The following ZNF547 variants were observed in gnomAD, a reference collection of about 807,000 sequenced individuals.
ZNF547 encodes zinc finger protein 547.
In ZNF547, 4 loss-of-function variants were observed where a neutral mutation model predicts 7.7. That is an observed-to-expected ratio of 0.52 (90% CI 0.26 to 1.20). The LOEUF (loss-of-function observed/expected upper bound fraction) is 1.20. ZNF547 is among the 50% of genes most tolerant of loss of function. The probability of loss-of-function intolerance (pLI) is 0.14; values close to 1 mark genes in which losing one functional copy is unlikely to be tolerated. For synonymous variants in ZNF547, 166 were observed against 166.2 expected, an observed-to-expected ratio of 1.00 and a Z score of 0.01; for missense variants, 449 against 485.8, an observed-to-expected ratio of 0.92 and a Z score of 0.71.
rs768544087 is a variant in ZNF547, at chr19:57,378,233, T to C, written c.*48T>C. 28 of 1,532,792 alleles carry C rather than the reference T, an allele frequency of 1.8e-5. No individual in the cohort carries two copies. Among genetic ancestry groups the C allele is most frequent in the Non-Finnish European group, 2.5e-5 (28 of 1,126,894 alleles). 94.9% of individuals were successfully genotyped at this position (1,532,792 alleles called of 1,614,324 possible). ...ATGGGAAAGCCTTCAGTCACCAACA[T>C]ATTGTGGCTGGACAGCAGGCAGTAC... On this transcript the variant is annotated 3_prime_UTR_variant, in exon 4 of 4. Transcript: ENST00000282282.
chr19:57,371,436 A>G (rs1010230877), intron 2 of ZNF547, among the ~76,000 whole-genome samples: 4 of 152,218 alleles, frequency 2.6e-5, no homozygotes, highest in Non-Finnish European at 5.9e-5. Flanking sequence ...TAGTCCACAG[A>G]TGCTGTTGGG....
intron 1 of ZNF547, among the ~76,000 whole-genome samples, chr19:57,366,693 G>A (rs149164385): frequency 1.3e-5 from 2 of 150,036 alleles, no homozygotes; most frequent in East Asian, 2.0e-4. Flanking sequence ...TTACAGGTGT[G>A]AGCCACCATA....
At chr19:57,371,313 A>T (rs1032594619) in intron 2 of ZNF547, among the ~76,000 whole-genome samples, 1 of 152,216 alleles carries the variant, frequency 6.6e-6, no homozygotes, top group African/African-American at 2.4e-5. Context: ...AATGACACTG[A>T]AAGAAGATAT....
rs371168183 is a variant in ZNF547 at position 57,378,956 on chromosome 19, T to C, written c.*771T>C. ...AAGAATCTTAGAGTGTTTTTCATTA[T>C]TTTTTTTCACTTAGGATAATATCCT... is the stretch of plus-strand genomic sequence containing the variant. On this transcript the variant is annotated 3_prime_UTR_variant, in exon 4 of 4. Transcript: ENST00000282282. 11 of 179,604 alleles carry C rather than the reference T, an allele frequency of 6.1e-5. No individual in the cohort carries two copies. In the South Asian group the frequency reaches 8.5e-4, roughly 14 times the overall value. The allele number at this position is 179,604 out of a possible 1,614,324, so 11.1% of individuals were successfully genotyped here. A position where few individuals can be genotyped will look rare whatever the true frequency, so the allele number is the denominator to read the frequency against.
chr19:57,378,342 C>A lies in ZNF547; in HGVS notation c.*157C>A. 1.3e-6 allele frequency: 1 copy of A among 759,226 alleles called. No individual in the cohort carries two copies. Among genetic ancestry groups the A allele is most frequent in the Non-Finnish European group, 2.2e-6 (1 of 444,980 alleles). 47.0% of individuals were successfully genotyped at this position (759,226 alleles called of 1,614,324 possible). A position where few individuals can be genotyped will look rare whatever the true frequency, so the allele number is the denominator to read the frequency against. ...GTCGCTATGTATCAGAGAATTCACACTGCAGAAATGTGTGTTCAGCAAACT... is the reference window on the plus strand; with the variant it reads ...GTCGCTATGTATCAGAGAATTCACAATGCAGAAATGTGTGTTCAGCAAACT... On this transcript the variant is annotated 3_prime_UTR_variant, in exon 4 of 4. Coordinates refer to ENST00000282282, the MANE Select transcript of ZNF547 (RefSeq NM_173631.4).
At chr19:57,376,046 C>G (rs986695804) in intron 3 of ZNF547, among the ~76,000 whole-genome samples, 1 of 152,082 alleles carries the variant, frequency 6.6e-6, no homozygotes, top group African/African-American at 2.4e-5. Flanking sequence ...GCCTGTAATC[C>G]CAGCTACTCA....
Position 57,378,277 on chromosome 19 carries a change from A to T in ZNF547, c.*92A>T. The T allele has an allele frequency of 5.8e-6, 7 of 1,203,188 alleles. No individual in the cohort carries two copies. The South Asian group carries it at 9.8e-5, about 17-fold the overall frequency. 74.5% of individuals were successfully genotyped at this position (1,203,188 alleles called of 1,614,324 possible). A position where few individuals can be genotyped will look rare whatever the true frequency, so the allele number is the denominator to read the frequency against. On this transcript the variant is annotated 3_prime_UTR_variant, in exon 4 of 4. Coordinates refer to ENST00000282282, the MANE Select transcript of ZNF547 (RefSeq NM_173631.4). ...GCAGTACACACTGGAGAAAGACTGA[A>T]TGCCGTGAACGTGGGTAATTATGTA...
In ZNF547 at chr19:57,365,648, G is replaced by A. The variant is rs192786391; in HGVS notation, c.-13+1945G>A. 7.8e-3 allele frequency among the ~76,000 whole-genome samples: 1,177 copies of A among 151,232 alleles called. 9 individuals are homozygous for A. Among genetic ancestry groups the A allele is most frequent in the Non-Finnish European group, 0.012 (797 of 67,828 alleles). ...AGCCTCCCGAGTAGCTGGGATTACA[G>A]GCTCCCACCACCATGCCTGCCTAAT... On this transcript the variant is annotated intron_variant, in intron 1 of 3. Coordinates refer to ENST00000282282, the MANE Select transcript of ZNF547 (RefSeq NM_173631.4).
chr19:57,371,204 A>C (rs1325703965), intron 2 of ZNF547: 4 of 152,510 alleles, frequency 2.6e-5, no homozygotes, highest in African/African-American at 9.6e-5. Context: ...TGCCCGCCTC[A>C]GCCTCCCAAA....
chr19:57,378,142 A>AT lies in ZNF547; in HGVS notation c.1167dup (p.Asn390Ter). On this transcript the variant is annotated frameshift_variant, in exon 4 of 4. Transcript: ENST00000282282. LOFTEE classifies it low-confidence loss of function (END_TRUNC). ...AGTGAATGTGGGAAATTCTTTAGGT[A>AT]TAACTCTACACTTCTCAGACATCAG... 1 of 1,612,980 alleles carries AT rather than the reference A, an allele frequency of 6.2e-7. No homozygotes were observed. The highest frequency in any genetic ancestry group is 1.7e-5 in the Admixed American group (1 of 60,008).
intron 3 of ZNF547, among the ~76,000 whole-genome samples, chr19:57,372,707 G>A (rs779543400): frequency 5.1e-4 from 78 of 152,226 alleles, no homozygotes; most frequent in African/African-American, 1.7e-3. Flanking sequence ...GCTTCCAGCC[G>A]TTACCTATTT....
At chr19:57,368,431 A>G (rs2088484199) in intron 1 of ZNF547, 113 bp from the exon 2 acceptor site, 2 of 941,508 alleles carry the variant, frequency 2.1e-6, no homozygotes, top group Non-Finnish European at 3.4e-6. Context: ...GAGTTTATAC[A>G]ATCAACTTGA....
At chr19:57,366,470 G>A (rs12973631) in intron 1 of ZNF547, among the ~76,000 whole-genome samples, 145,455 of 151,606 alleles carry the variant, frequency 0.96, 69,859 homozygotes, top group Middle Eastern at 0.98. Context: ...TCGGCCTCCC[G>A]GAGTGCTGGG....
chr19:57,371,613 A>T, intron 2 of ZNF547, 169 bp from the exon 3 acceptor site: 1 of 1,023,458 alleles, frequency 9.8e-7, no homozygotes, highest in East Asian at 2.6e-5. Flanking sequence ...TTAGAGATGG[A>T]GATGGTTAAG....
At chr19:57,365,501 A>G (rs1466905880) in intron 1 of ZNF547, 1 of 421,398 alleles carries the variant, frequency 2.4e-6, no homozygotes. Context: ...ATAATAATTA[A>G]TTTCTTTCTT....
In ZNF547 at chr19:57,377,481, C is replaced by T. The variant is rs1190139346; in HGVS notation, c.505C>T (p.His169Tyr). 5.0e-6 allele frequency: 8 copies of T among 1,613,882 alleles called. No individual in the cohort carries two copies. The highest frequency in any genetic ancestry group is 6.8e-6 in the Non-Finnish European group (8 of 1,179,968). Residue 169 changes from histidine to tyrosine, a missense_variant, in exon 4 of 4, where the codon CAT (histidine) becomes TAT (tyrosine). By Grantham distance (83) the His-to-Tyr change is moderately conservative. Coordinates refer to ENST00000282282, the MANE Select transcript of ZNF547 (RefSeq NM_173631.4). ...ATGTGGGAAAGCCTTTAGCCACAAA[C>T]ATAAACTTTCTGACCATCAGAAAAT... The part of the protein sequence containing the change: ...SECGKAFSHK[H>Y]KLSDHQKIHT...
At chr19:57,364,449 AGAATAGAGGGTGGCCGGG>A in intron 1 of ZNF547, 1 of 226,464 alleles carries the variant, frequency 4.4e-6, no homozygotes. Context: ...ATTCTTCAAA[AGAATAGAGGGTGGCCGGG>A]CGTGGTGGCT....
rs1217625894 is a variant in ZNF547, at chr19:57,377,348, C to T, written c.372C>T (p.His124=). Residue 124 remains histidine (H), a synonymous_variant, in exon 4 of 4, where the codon CAC becomes CAT. Coordinates refer to ENST00000282282, the MANE Select transcript of ZNF547 (RefSeq NM_173631.4). ...CGTGTCCAGCACATCTTCACCAGCA[C>T]CAAAAGGAGCAGATTAGAGAGAAAC... ...LYTCPAHLHQ[H]QKEQIREKLS... The T allele has an allele frequency of 1.9e-6, 3 of 1,614,158 alleles. No individual in the cohort carries two copies. The highest frequency in any genetic ancestry group is 1.1e-5 in the South Asian group (1 of 91,080).
intron 1 of ZNF547, chr19:57,365,292 A>G (rs369482550): frequency 1.4e-5 from 19 of 1,349,652 alleles, no homozygotes; most frequent in African/African-American, 1.3e-4. Context: ...TATCACCACA[A>G]TGGTGTATAC....
Sources: gnomAD v4.1 joint callset for allele counts (sites outside exome capture counted in the v4.1 genomes callset) on GRCh38, gnomAD v4.1.1 for gene constraint, MANE v1.5 for transcripts, NCBI Gene and HGNC (gene_info 2026-07-23, HGNC 2026-07-21) for gene names.